Variants in MBTD1 observed in about 807,000 individuals in gnomAD.
MBTD1 encodes the protein MBT domain-containing protein 1.
In MBTD1, 24 loss-of-function variants were observed where a neutral mutation model predicts 87.8. The observed-to-expected ratio is 0.27, with a 90% CI of 0.20 to 0.38. MBTD1 has a LOEUF of 0.38. Ranked by LOEUF, MBTD1 falls within the 10% of genes least tolerant of loss-of-function variation. MBTD1 has a pLI of 1.00. For synonymous variants in MBTD1, 237 were observed against 248.6 expected (o/e 0.95, Z 0.44); for missense variants, 436 against 760.2 (o/e 0.57, Z 5.02).
upstream of MBTD1, chr17:51,260,618 G>A (rs200641862): frequency 7.4e-6 from 12 of 1,612,602 alleles, no homozygotes; most frequent in Middle Eastern, 3.3e-4. Context: ...AATGAAACTG[G>A]ACCGGAGAAC....
intron 2 of MBTD1, among the ~76,000 whole-genome samples, chr17:51,254,356 G>T (rs1383380262): frequency 2.0e-5 from 3 of 152,178 alleles, no homozygotes; most frequent in African/African-American, 2.4e-5. Flanking sequence ...AACATAAATG[G>T]TAAGGATTTG....
At chr17:51,207,981 T>C (rs1261240426) in intron 6 of MBTD1, among the ~76,000 whole-genome samples, 6 of 152,210 alleles carry the variant, frequency 3.9e-5, no homozygotes, top group Non-Finnish European at 7.3e-5. Context: ...CTTGATAGTA[T>C]GAACAAATCA....
At chr17:51,199,747 A>G (rs2051350745) in intron 12 of MBTD1, among the ~76,000 whole-genome samples, 1 of 152,196 alleles carries the variant, frequency 6.6e-6, no homozygotes, top group Non-Finnish European at 1.5e-5. Flanking sequence ...AAAGAGGAAG[A>G]ACAGGGTTTG....
At chr17:51,228,490 G>GAAAAAAAAAA (rs5820845) in intron 2 of MBTD1, among the ~76,000 whole-genome samples, 1 of 121,302 alleles carries the variant, frequency 8.2e-6, no homozygotes, top group Non-Finnish European at 1.7e-5. Flanking sequence ...TTCAAACCAC[G>GAAAAAAAAAA]AAAAAAAAAA....
At chr17:51,224,541 T>C (rs574683444) in intron 3 of MBTD1, among the ~76,000 whole-genome samples, 2 of 152,186 alleles carry the variant, frequency 1.3e-5, no homozygotes, top group Non-Finnish European at 2.9e-5. Flanking sequence ...ATGAAACTGC[T>C]TCCTTTTTCA....
intron 16 of MBTD1, chr17:51,191,962 A>G (rs941677266): frequency 6.5e-6 from 3 of 461,766 alleles, no homozygotes; most frequent in Non-Finnish European, 1.1e-5. Context: ...AATCATTCAC[A>G]GACTCTATTC....
chr17:51,215,375 A>G (rs2052505979), intron 6 of MBTD1, among the ~76,000 whole-genome samples: 1 of 152,242 alleles, frequency 6.6e-6, no homozygotes, highest in African/African-American at 2.4e-5. Context: ...ACAGAAAACA[A>G]AATGTTATGC....
At chr17:51,215,920 A>G (rs1271289351) in intron 6 of MBTD1, among the ~76,000 whole-genome samples, 1 of 147,566 alleles carries the variant, frequency 6.8e-6, no homozygotes, top group Non-Finnish European at 1.5e-5. Context: ...CTAAAAATAA[A>G]GCCCTAATTT....
intron 16 of MBTD1, among the ~76,000 whole-genome samples, chr17:51,182,254 G>A (rs1366585526): frequency 1.3e-5 from 2 of 149,262 alleles, no homozygotes; most frequent in Non-Finnish European, 3.0e-5. Flanking sequence ...CCTCCCGAGT[G>A]GCTGGGATTA....
rs2050207241 is a variant in MBTD1 at position 51,179,488 on chromosome 17, A to ATATATATATATATATTTT, written c.*1087_*1088insAAAATATATATATATATA. ...TGAATACAATTAAAGACAATTTTAT[A>ATATATATATATATATTTT]TATATATATATATATATATATATAT... On this transcript the variant is annotated 3_prime_UTR_variant, in exon 17 of 17. Coordinates refer to ENST00000586178, the MANE Select transcript of MBTD1 (RefSeq NM_017643.3). 5.4e-5 allele frequency: 1 copy of ATATATATATATATATTTT among 18,464 alleles called. No homozygotes were observed. The highest frequency in any genetic ancestry group is 1.1e-4 in the Non-Finnish European group (1 of 8,888). The allele number at this position is 18,464 out of a possible 1,614,324, so 1.1% of individuals were successfully genotyped here.
rs148591985 is a variant in MBTD1, at chr17:51,241,941, G to C, written c.-48-16732C>G. On this transcript the variant is annotated intron_variant, in intron 2 of 16. Coordinates refer to ENST00000586178, the MANE Select transcript of MBTD1 (RefSeq NM_017643.3). ...CATACTGTCCCAGAGTAGGCCAGTGGGAGCCCCTTAAAGCCTACTCCTGTG... is the reference window on the plus strand; with the variant it reads ...CATACTGTCCCAGAGTAGGCCAGTGCGAGCCCCTTAAAGCCTACTCCTGTG... Among the ~76,000 whole-genome samples the C allele has an allele frequency of 3.3e-5, 5 of 152,234 alleles. No homozygotes were observed. In the East Asian group the frequency reaches 7.7e-4, roughly 24 times the overall value.
intron 16 of MBTD1, among the ~76,000 whole-genome samples, chr17:51,188,486 G>A (rs2050647118): frequency 6.6e-6 from 1 of 152,188 alleles, no homozygotes; most frequent in African/African-American, 2.4e-5. Flanking sequence ...TGAAGCAACA[G>A]AGCCAGAATA....
chr17:51,191,257 TTTC>T (rs1168167925), intron 16 of MBTD1, among the ~76,000 whole-genome samples: 8 of 125,224 alleles, frequency 6.4e-5, no homozygotes, highest in Non-Finnish European at 1.2e-4. Context: ...ATAGAAAGAA[TTTC>T]TTTTTTTTTT....
chr17:51,180,594 G>T lies in MBTD1; in HGVS notation c.1869C>A (p.Tyr623Ter). The T allele has an allele frequency of 6.5e-7, 1 of 1,547,368 alleles. No homozygotes were observed. Residue 623 changes from tyrosine (Y) to a stop codon, truncating the protein, a stop_gained, in exon 17 of 17, where the codon TAC (tyrosine) becomes TAA (stop). Transcript: ENST00000586178. LOFTEE classifies it high-confidence loss of function. Reference protein sequence around the residue: ...DQESNGSANFYIKQEP With the variant: ...DQESNGSANF Reference sequence around the variant, plus strand: ...AGCCACCTCATGGCTCTTGTTTGATGTAGAAGTTGGCAGAGCCATTGCTTT... The same window carrying T: ...AGCCACCTCATGGCTCTTGTTTGATTTAGAAGTTGGCAGAGCCATTGCTTT...
chr17:51,191,406 C>T (rs1041274033), intron 16 of MBTD1, among the ~76,000 whole-genome samples: 3 of 151,586 alleles, frequency 2.0e-5, no homozygotes, highest in African/African-American at 4.8e-5. Flanking sequence ...GGATTACAGG[C>T]GTGCACCACC....
rs182012860 is a variant in MBTD1, at chr17:51,180,522, T to C, written c.*54A>G. ...GCCCCCTGTACAGCTGGATTGATTA[T>C]AAATCAGTCCTGTGTAAAATCCTTC... is the stretch of plus-strand genomic sequence containing the variant. On this transcript the variant is annotated 3_prime_UTR_variant, in exon 17 of 17. Coordinates refer to ENST00000586178, the MANE Select transcript of MBTD1 (RefSeq NM_017643.3). 1.8e-4 allele frequency: 153 copies of C among 865,374 alleles called. No homozygotes were observed. The highest frequency in any genetic ancestry group is 3.3e-4 in the Middle Eastern group (1 of 3,040). The allele number at this position is 865,374 out of a possible 1,614,324, so 53.6% of individuals were successfully genotyped here. A position where few individuals can be genotyped will look rare whatever the true frequency, so the allele number is the denominator to read the frequency against.
At chr17:51,189,308 GTTCTT>G (rs981711139) in intron 16 of MBTD1, among the ~76,000 whole-genome samples, 10 of 152,264 alleles carry the variant, frequency 6.6e-5, no homozygotes, top group South Asian at 6.2e-4. Flanking sequence ...TGGGTCCATA[GTTCTT>G]TTCTTTTCTA....
At chr17:51,211,677 T>C (rs1338939530) in intron 6 of MBTD1, among the ~76,000 whole-genome samples, 2 of 151,986 alleles carry the variant, frequency 1.3e-5, no homozygotes, top group African/African-American at 4.8e-5. Flanking sequence ...AATCCTGCAA[T>C]CTAGAATGCT....
intron 16 of MBTD1, among the ~76,000 whole-genome samples, chr17:51,189,239 T>C (rs1337618803): frequency 6.6e-6 from 1 of 152,144 alleles, no homozygotes; most frequent in Admixed American, 6.6e-5. Context: ...TCTTCTAAAA[T>C]CCAAAAAATT....
Sources: gnomAD v4.1 joint callset for allele counts (sites outside exome capture counted in the v4.1 genomes callset) on GRCh38, gnomAD v4.1.1 for gene constraint, MANE v1.5 for transcripts, NCBI Gene and HGNC (gene_info 2026-07-23, HGNC 2026-07-21) for gene names.